Variants in FREM2 observed in about 807,000 individuals in gnomAD.
The protein encoded by FREM2 is FRAS1 related extracellular matrix 2.
FREM2 carries 119 observed loss-of-function variants against 219.9 expected under a neutral mutation model. The ratio of observed to expected loss-of-function variants is 0.54; its 90% CI spans 0.47 to 0.63. The LOEUF (loss-of-function observed/expected upper bound fraction) is 0.63, where lower values mean the gene tolerates loss of function less well. Ranked by LOEUF, FREM2 falls within the 30% of genes least tolerant of loss-of-function variation. The probability of loss-of-function intolerance (pLI) is 0.00; values close to 1 mark genes in which losing one functional copy is unlikely to be tolerated. For missense variants in FREM2, 4,030 were observed against 3,993.6 expected, an observed-to-expected ratio of 1.01 and a Z score of -0.25; for synonymous variants, 1,562 against 1,522.8, an observed-to-expected ratio of 1.03 and a Z score of -0.60.
intron 6 of FREM2, among the ~76,000 whole-genome samples, chr13:38,804,964 T>C (rs541512844): frequency 1.3e-5 from 2 of 152,294 alleles, no homozygotes; most frequent in Middle Eastern, 3.4e-3. Context: ...CTTTCTTCTC[T>C]AGCCAATTTT....
rs1362490527 is a variant in FREM2, at chr13:38,880,698, T to G, written c.9421T>G (p.Phe3141Val). The G allele has an allele frequency of 5.6e-6, 9 of 1,614,116 alleles. No homozygotes were observed. Among genetic ancestry groups the G allele is most frequent in the South Asian group, 1.1e-5 (1 of 91,064 alleles). ...AVLMCRGKES[F>V]RGKDAPKGSS... ...GCTGATGTGCAGGGGCAAGGAAAGT[T>G]TCAGGGGGAAGGATGCCCCGAAAGG... The change falls in exon 24 of 24, where the codon TTC becomes GTC. Residue 3141 changes from phenylalanine to valine, a missense_variant. Physicochemically the swap from Phe to Val is conservative, Grantham distance 50. This residue lies in a region of FREM2 where 928 missense variants were observed against 1,042.9 expected (regional missense o/e 0.89). Coordinates refer to ENST00000280481, the MANE Select transcript of FREM2 (RefSeq NM_207361.6).
chr13:38,807,467 A>G (rs1013590953), intron 6 of FREM2, among the ~76,000 whole-genome samples: 12 of 151,324 alleles, frequency 7.9e-5, no homozygotes, highest in African/African-American at 2.7e-4. Context: ...GATCTATCAG[A>G]TAAATCACTG....
At chr13:38,824,578 G>A (rs1876198610) in intron 6 of FREM2, among the ~76,000 whole-genome samples, 2 of 152,032 alleles carry the variant, frequency 1.3e-5, no homozygotes, top group Non-Finnish European at 2.9e-5. Context: ...GAGTGGCTAT[G>A]CAATGGGTGC....
chr13:38,688,440 G>T lies in FREM2; in HGVS notation c.1096G>T (p.Gly366Cys), dbSNP rs1018326992. ...IFNLTSPFQP[G>C]QGYLVSTDDR... ...CAACCTTACTTCTCCATTCCAGCCT[G>T]GCCAGGGCTACTTGGTGAGCACCGA... The change falls in exon 1 of 24, where the codon GGC becomes TGC. Residue 366 changes from glycine to cysteine, a missense_variant. Around this residue, in one of 2 missense-constraint regions of FREM2, gnomAD observed 3,102 missense variants for 2,950.7 expected, o/e 1.05. Transcript: ENST00000280481. 4 of 1,613,954 alleles carry T rather than the reference G, an allele frequency of 2.5e-6. No homozygotes were observed. The highest frequency in any genetic ancestry group is 3.4e-6 in the Non-Finnish European group (4 of 1,179,996).
Position 38,856,138 on chromosome 13 carries a change from A to C in FREM2, c.6938A>C (p.Lys2313Thr). The C allele has an allele frequency of 1.9e-6, 3 of 1,607,876 alleles. No individual in the cohort carries two copies. The highest frequency in any genetic ancestry group is 2.6e-6 in the Non-Finnish European group (3 of 1,175,152). The stretch of plus-strand genomic sequence containing the variant: ...GTTACATTTGTAGAAATTGAGTTTA[A>C]GGAAGGGGAAACCCAGCACGTGGTT... ...YHPVSEEIEF[K>T]EGETQHVVEI... The change falls in exon 12 of 24, where the codon AAG (lysine) becomes ACG (threonine). Residue 2313 changes from lysine to threonine, a missense_variant. Physicochemically the swap from Lys to Thr is moderately conservative, Grantham distance 78. This residue lies in a region of FREM2 where 3,102 missense variants were observed against 2,950.7 expected (regional missense o/e 1.05). Coordinates refer to ENST00000280481, the MANE Select transcript of FREM2 (RefSeq NM_207361.6).
At chr13:38,871,335 C>T (rs1878152954) in intron 16 of FREM2, among the ~76,000 whole-genome samples, 1 of 152,130 alleles carries the variant, frequency 6.6e-6, no homozygotes, top group South Asian at 2.1e-4. Context: ...GCCTGTGATT[C>T]TTGTTGTGAG....
intron 6 of FREM2, among the ~76,000 whole-genome samples, chr13:38,828,621 G>C (rs756689672): frequency 6.6e-6 from 1 of 151,984 alleles, no homozygotes. Context: ...TGAGGCAGGA[G>C]GATCACTTGA....
chr13:38,853,366 C>T (rs1877447876), intron 11 of FREM2, among the ~76,000 whole-genome samples: 1 of 150,076 alleles, frequency 6.7e-6, no homozygotes, highest in Non-Finnish European at 1.5e-5. Context: ...CACTTGCTCT[C>T]TCTCTGAATT....
At chr13:38,746,776 G>T (rs1480303386) in intron 2 of FREM2, among the ~76,000 whole-genome samples, 3 of 152,206 alleles carry the variant, frequency 2.0e-5, no homozygotes, top group Non-Finnish European at 4.4e-5. Context: ...TTGAGTGGCT[G>T]CCATGAAGGG....
At chr13:38,853,285 C>T (rs1005077666) in intron 11 of FREM2, among the ~76,000 whole-genome samples, 1 of 149,598 alleles carries the variant, frequency 6.7e-6, no homozygotes, top group Non-Finnish European at 1.5e-5. Context: ...CCATTACACT[C>T]CAGCCTGAGA....
intron 2 of FREM2, among the ~76,000 whole-genome samples, chr13:38,760,444 G>C (rs575991715): frequency 6.6e-6 from 1 of 152,202 alleles, no homozygotes; most frequent in African/African-American, 2.4e-5. Context: ...GATGAAATTA[G>C]GTATCTCTAA....
chr13:38,874,875 G>A (rs906711714), intron 18 of FREM2, among the ~76,000 whole-genome samples: 3 of 152,136 alleles, frequency 2.0e-5, no homozygotes, highest in Admixed American at 6.5e-5. Flanking sequence ...AAGAGCATAG[G>A]AATAATCATT....
intron 2 of FREM2, among the ~76,000 whole-genome samples, chr13:38,705,846 T>G (rs1870518150): frequency 6.6e-6 from 1 of 152,140 alleles, no homozygotes; most frequent in Admixed American, 6.5e-5. Context: ...CTTTCTTCCT[T>G]TCTCCTGTCT....
intron 2 of FREM2, among the ~76,000 whole-genome samples, chr13:38,712,249 C>T (rs1870805789): frequency 6.6e-6 from 1 of 152,142 alleles, no homozygotes; most frequent in Non-Finnish European, 1.5e-5. Flanking sequence ...GTGGTGTATG[C>T]ACTGGATGTG....
At chr13:38,785,215 C>A (rs375836468) in intron 6 of FREM2, among the ~76,000 whole-genome samples, 4 of 151,994 alleles carry the variant, frequency 2.6e-5, no homozygotes, top group African/African-American at 7.3e-5. Context: ...AGAAACCTGT[C>A]GGGCAAGGCT....
Position 38,835,351 on chromosome 13 carries a change from G to T in FREM2, c.6020-11222G>T, listed in dbSNP as rs551753780. 2.0e-5 allele frequency among the ~76,000 whole-genome samples: 3 copies of T among 152,144 alleles called. No homozygotes were observed. The East Asian group carries it at 5.8e-4, about 29-fold the overall frequency. ...CATCATGCTGTTTTTGTTGCCATAG[G>T]CTTGTAGTATAATTTGAAGTCAGAT... On this transcript the variant is annotated intron_variant, in intron 6 of 23. Transcript: ENST00000280481.
intron 6 of FREM2, among the ~76,000 whole-genome samples, chr13:38,801,375 A>G (rs1875000531): frequency 1.3e-5 from 2 of 152,144 alleles, no homozygotes; most frequent in South Asian, 4.1e-4. Context: ...GAGAATTATC[A>G]TGCTTATTTG....
At chr13:38,752,788 T>C (rs1410650261) in intron 2 of FREM2, among the ~76,000 whole-genome samples, 1 of 152,162 alleles carries the variant, frequency 6.6e-6, no homozygotes, top group Non-Finnish European at 1.5e-5. Flanking sequence ...CAAATAGGAA[T>C]TAGAAAACAG....
chr13:38,853,395 A>G (rs1214877638), intron 11 of FREM2, among the ~76,000 whole-genome samples: 1 of 151,866 alleles, frequency 6.6e-6, no homozygotes, highest in East Asian at 1.9e-4. Flanking sequence ...ACAAAATAAA[A>G]GTAACTTTAT....
Sources: allele counts gnomAD v4.1 joint callset (sites outside exome capture counted in the v4.1 genomes callset), GRCh38; gene constraint gnomAD v4.1.1; regional missense constraint gnomAD v4.1.1; transcripts MANE v1.5; gene names NCBI Gene and HGNC (gene_info 2026-07-23, HGNC 2026-07-21).